The following ZNF837 variants were observed in gnomAD, a reference collection of about 807,000 sequenced individuals.
ZNF837 encodes the protein zinc finger protein 837.
For missense variants in ZNF837, 955 were observed against 801.7 expected (o/e 1.19, Z -2.31); for synonymous variants, 475 against 365.2 (o/e 1.30, Z -3.43).
rs956129969 is a variant in ZNF837, at chr19:58,368,322, G to C, written c.1011C>G (p.Phe337Leu). Residue 337 changes from phenylalanine to leucine, a missense_variant, in exon 3 of 3, where the codon TTC (phenylalanine) becomes TTG (leucine). Physicochemically the swap from Phe to Leu is conservative, Grantham distance 22. Transcript: ENST00000597582. ...CCCCGCAGGGCGGGCACCCCAGCCG[G>C]AAGGCGCGCCGCGCCAGGACGGGGC... ...RRGPVLARRA[F>L]RLGCPPCGDY... 2.0e-6 allele frequency: 3 copies of C among 1,494,904 alleles called. No homozygotes were observed. In the African/African-American group the frequency reaches 4.3e-5, roughly 21 times the overall value. 92.6% of individuals were successfully genotyped at this position (1,494,904 alleles called of 1,614,324 possible).
chr19:58,372,053 GTTTATT>G (rs2052206757), intron 1 of ZNF837, among the ~76,000 whole-genome samples: 1 of 150,286 alleles, frequency 6.7e-6, no homozygotes, highest in Non-Finnish European at 1.5e-5. Flanking sequence ...TTGTTTGTTT[GTTTATT>G]TTTATTTATT....
intron 1 of ZNF837, 25 bp downstream of exon 1, chr19:58,380,916 C>A (rs1025733643): frequency 6.6e-6 from 1 of 152,242 alleles, no homozygotes; most frequent in African/African-American, 2.4e-5. Context: ...GCCGAGGTTG[C>A]GGGTCCGCGC....
chr19:58,369,229 A>AG lies in ZNF837; in HGVS notation c.103dup (p.Leu35ProfsTer23). The AG allele has an allele frequency of 7.0e-7, 1 of 1,432,394 alleles. No homozygotes were observed. The highest frequency in any genetic ancestry group is 9.1e-7 in the Non-Finnish European group (1 of 1,096,234). The allele number at this position is 1,432,394 out of a possible 1,614,324, so 88.7% of individuals were successfully genotyped here. On this transcript the variant is annotated frameshift_variant, in exon 3 of 3. Transcript: ENST00000597582. LOFTEE classifies it low-confidence loss of function (END_TRUNC). ...GCGGCTCCCAGCTCGGTCCTCTTCG[A>AG]GGGGCCTCGGCTCCTCGGGCCTCTT...
chr19:58,376,917 TAAAAA>T (rs34562043), intron 1 of ZNF837, among the ~76,000 whole-genome samples: 1 of 138,828 alleles, frequency 7.2e-6, no homozygotes, highest in Non-Finnish European at 1.6e-5. Flanking sequence ...CTGTCTCTAT[TAAAAA>T]AAAAAAAAAA....
Position 58,368,881 on chromosome 19 carries a change from C to T in ZNF837, c.452G>A (p.Arg151Gln), listed in dbSNP as rs1555781850. ...TTGAGTCCGGGGGTGGTTCTGGATC[C>T]GCTCCGGACAGGGGTCACACACGGG... ...TPPVCDPCPE[R>Q]IQNHPRTQLC... is the part of the protein sequence containing the mutation. Residue 151 changes from arginine (R) to glutamine (Q), a missense_variant, in exon 3 of 3, where the codon CGG becomes CAG. Transcript: ENST00000597582. 4.5e-6 allele frequency: 7 copies of T among 1,547,866 alleles called. No homozygotes were observed. Among genetic ancestry groups the T allele is most frequent in the Non-Finnish European group, 5.2e-6 (6 of 1,146,670 alleles).
intron 1 of ZNF837, among the ~76,000 whole-genome samples, chr19:58,377,981 C>G (rs2122136683): frequency 6.6e-6 from 1 of 152,356 alleles, no homozygotes; most frequent in African/African-American, 2.4e-5. Flanking sequence ...ATCCTGCCCA[C>G]CTCCCCACAC....
intron 1 of ZNF837, among the ~76,000 whole-genome samples, chr19:58,376,163 C>T (rs2052243613): frequency 6.6e-6 from 1 of 152,136 alleles, no homozygotes; most frequent in African/African-American, 2.4e-5. Flanking sequence ...AAGTGATCCC[C>T]CTGCCTCAGC....
Position 58,367,710 on chromosome 19 carries a change from G to T in ZNF837, c.*27C>A. ...TCCTCGACGCAGGGTTCGCTTGGGC[G>T]ACGCGTCGACTCTCGGCTCCCTGCA... On this transcript the variant is annotated 3_prime_UTR_variant, in exon 3 of 3. Transcript: ENST00000597582. The T allele has an allele frequency of 6.8e-7, 1 of 1,474,658 alleles. No homozygotes were observed. The highest frequency in any genetic ancestry group is 1.3e-5 in the South Asian group (1 of 75,108). The allele number at this position is 1,474,658 out of a possible 1,614,324, so 91.3% of individuals were successfully genotyped here. A position where few individuals can be genotyped will look rare whatever the true frequency, so the allele number is the denominator to read the frequency against.
chr19:58,374,887 C>T (rs113199204), intron 1 of ZNF837, among the ~76,000 whole-genome samples: 1 of 150,650 alleles, frequency 6.6e-6, no homozygotes, highest in African/African-American at 2.4e-5. Context: ...GAGCCGAGAT[C>T]GCACCACTGC....
rs1281959693 is a variant in ZNF837 at position 58,368,840 on chromosome 19, T to C, written c.493A>G (p.Thr165Ala). 14 of 1,547,098 alleles carry C rather than the reference T, an allele frequency of 9.0e-6. No homozygotes were observed. The highest frequency in any genetic ancestry group is 1.2e-5 in the Non-Finnish European group (14 of 1,146,696). Reference sequence around the variant, plus strand: ...CCTGGTTGGCACGGCCAACAGTCCGTGTGGACCTCACACAGTTGAGTCCGG... The same window carrying C: ...CCTGGTTGGCACGGCCAACAGTCCGCGTGGACCTCACACAGTTGAGTCCGG... Reference protein sequence around the residue: ...HPRTQLCEVHTDCWPCQPGTG... With the variant: ...HPRTQLCEVHADCWPCQPGTG... Residue 165 changes from threonine to alanine, a missense_variant, in exon 3 of 3, where the codon ACG becomes GCG. Physicochemically the swap from Thr to Ala is moderately conservative, Grantham distance 58. Coordinates refer to ENST00000597582, the MANE Select transcript of ZNF837 (RefSeq NM_138466.2).
chr19:58,369,146 CG>C lies in ZNF837; in HGVS notation c.186del (p.Gly64AlafsTer9), dbSNP rs1402711349. ...CCGAGGCTGCAGCCCCGGGAGCCCC[CG>C]CCTGGGGGAGTCGTCCTACCGCCCG... ...GAAGGRTTPP[G>X]GGSRGCSLGV... On this transcript the variant is annotated frameshift_variant, in exon 3 of 3. Transcript: ENST00000597582. LOFTEE classifies it low-confidence loss of function (END_TRUNC). The C allele has an allele frequency of 2.1e-6, 3 of 1,454,556 alleles. No individual in the cohort carries two copies. Among genetic ancestry groups the C allele is most frequent in the Non-Finnish European group, 2.7e-6 (3 of 1,104,774 alleles). 90.1% of individuals were successfully genotyped at this position (1,454,556 alleles called of 1,614,324 possible).
At position 58,368,631 on chromosome 19, in the gene ZNF837, G is replaced by A; in HGVS notation, c.702C>T (p.Phe234=). The part of the protein sequence containing the change: ...PRPCARCGKR[F]RPNQQQQAGK... ...CCGCCTGCTGCTGCTGGTTGGGGCG[G>A]AAGCGCTTCCCGCACCGGGCACACG... Residue 234 remains phenylalanine, a synonymous_variant, in exon 3 of 3, where the codon TTC becomes TTT. Coordinates refer to ENST00000597582, the MANE Select transcript of ZNF837 (RefSeq NM_138466.2). 6.5e-7 allele frequency: 1 copy of A among 1,531,986 alleles called. No homozygotes were observed. Among genetic ancestry groups the A allele is most frequent in the Non-Finnish European group, 8.7e-7 (1 of 1,144,010 alleles). 94.9% of individuals were successfully genotyped at this position (1,531,986 alleles called of 1,614,324 possible).
intron 1 of ZNF837, among the ~76,000 whole-genome samples, chr19:58,371,848 A>G (rs1257176577): frequency 1.3e-5 from 2 of 151,626 alleles, no homozygotes; most frequent in Non-Finnish European, 2.9e-5. Context: ...CAGCCTCCTG[A>G]GTAGCTGGGA....
Position 58,367,772 on chromosome 19 carries a change from G to C in ZNF837, c.1561C>G (p.His521Asp). 1 of 1,535,082 alleles carries C rather than the reference G, an allele frequency of 6.5e-7. No individual in the cohort carries two copies. The highest frequency in any genetic ancestry group is 8.7e-7 in the Non-Finnish European group (1 of 1,145,690). ...GCGCGGCCCCCGTGCCGCTTCCGGT[G>C]CTCGTTGAGGTTGGAGCGTTGGCTG... Reference protein sequence around the residue: ...AFSQRSNLNEHRKRHGGRAAP With the variant: ...AFSQRSNLNEDRKRHGGRAAP The change falls in exon 3 of 3, where the codon CAC becomes GAC. Residue 521 changes from histidine (H) to aspartate (D), a missense_variant. By Grantham distance (81) the His-to-Asp change is moderately conservative. Transcript: ENST00000597582.
intron 1 of ZNF837, among the ~76,000 whole-genome samples, chr19:58,372,446 T>A (rs1427408584): frequency 6.6e-6 from 1 of 151,888 alleles, no homozygotes; most frequent in African/African-American, 2.4e-5. Flanking sequence ...GGGGGGCGGA[T>A]CACGAGGTCA....
chr19:58,373,764 A>G (rs1374927144), intron 1 of ZNF837, among the ~76,000 whole-genome samples: 1 of 152,236 alleles, frequency 6.6e-6, no homozygotes, highest in African/African-American at 2.4e-5. Flanking sequence ...CACAGACACC[A>G]GAGTAGAGGG....
intron 1 of ZNF837, among the ~76,000 whole-genome samples, chr19:58,379,652 T>TA (rs1171302346): frequency 6.6e-6 from 1 of 152,168 alleles, no homozygotes; most frequent in Non-Finnish European, 1.5e-5. Context: ...TAGTTGTCCT[T>TA]AGGGCTTCTG....
chr19:58,377,960 G>A (rs953443700), intron 1 of ZNF837, among the ~76,000 whole-genome samples: 3 of 152,138 alleles, frequency 2.0e-5, no homozygotes, highest in South Asian at 4.1e-4. Flanking sequence ...CTGGCTATTC[G>A]GGGCAGGCCC....
chr19:58,368,884 T>A lies in ZNF837; in HGVS notation c.449A>T (p.Glu150Val). The A allele has an allele frequency of 1.3e-6, 2 of 1,548,016 alleles. No individual in the cohort carries two copies. Among genetic ancestry groups the A allele is most frequent in the Non-Finnish European group, 1.7e-6 (2 of 1,146,646 alleles). Reference sequence around the variant, plus strand: ...AGTCCGGGGGTGGTTCTGGATCCGCTCCGGACAGGGGTCACACACGGGTGG... The same window carrying A: ...AGTCCGGGGGTGGTTCTGGATCCGCACCGGACAGGGGTCACACACGGGTGG... ...ETPPVCDPCP[E>V]RIQNHPRTQL... Residue 150 changes from glutamate to valine, a missense_variant, in exon 3 of 3, where the codon GAG becomes GTG. By Grantham distance (121) the Glu-to-Val change is moderately radical (BLOSUM62 -2). Transcript: ENST00000597582.
Sources: gnomAD v4.1 joint callset for allele counts (sites outside exome capture counted in the v4.1 genomes callset) on GRCh38, gnomAD v4.1.1 for gene constraint, MANE v1.5 for transcripts, NCBI Gene and HGNC (gene_info 2026-07-23, HGNC 2026-07-21) for gene names.